The following MBOAT2 variants were observed in gnomAD, a reference collection of about 807,000 sequenced individuals.
MBOAT2 encodes membrane-bound glycerophospholipid O-acyltransferase 2.
In MBOAT2, 28 loss-of-function variants were observed where a neutral mutation model predicts 63.4. The ratio of observed to expected loss-of-function variants is 0.44; its 90% confidence interval spans 0.33 to 0.61. MBOAT2 has a LOEUF of 0.61. Among genes scored for constraint, MBOAT2 ranks in the 20% least tolerant of loss-of-function variants. The pLI is 0.03. For synonymous variants in MBOAT2, 211 were observed against 215.6 expected, an observed-to-expected ratio of 0.98 and a Z score of 0.19; for missense variants, 470 against 605.8, an observed-to-expected ratio of 0.78 and a Z score of 2.35.
chr2:8,963,325 G>T (rs999715330), intron 1 of MBOAT2, among the ~76,000 whole-genome samples: 2 of 151,738 alleles, frequency 1.3e-5, no homozygotes, highest in African/African-American at 4.8e-5. Flanking sequence ...TTTTCTTTGA[G>T]ACAATTTTGC....
chr2:8,935,506 A>G (rs886082611), intron 3 of MBOAT2, among the ~76,000 whole-genome samples: 2 of 152,222 alleles, frequency 1.3e-5, no homozygotes, highest in Admixed American at 1.3e-4. Context: ...AATACTTAAA[A>G]ACAAGCTTTA....
chr2:8,999,963 CTT>C (rs1573294747), intron 1 of MBOAT2, among the ~76,000 whole-genome samples: 1 of 152,214 alleles, frequency 6.6e-6, no homozygotes, highest in East Asian at 1.9e-4. Flanking sequence ...TATTTTGCTT[CTT>C]TTCCTTCCCT....
At chr2:8,998,857 A>G (rs926152641) in intron 1 of MBOAT2, among the ~76,000 whole-genome samples, 4 of 152,202 alleles carry the variant, frequency 2.6e-5, no homozygotes, top group African/African-American at 9.7e-5. Context: ...TTAAGACCAT[A>G]AACTAAACCT....
At position 8,862,664 on chromosome 2, in the gene MBOAT2, T is replaced by C. The variant is rs755930105; in HGVS notation, c.1111A>G (p.Ile371Val). The change falls in exon 11 of 13, where the codon ATT (isoleucine) becomes GTT (valine). Residue 371 changes from isoleucine to valine, a missense_variant. Ile to Val is a conservative substitution (Grantham distance 29). This residue lies in a region of MBOAT2 where 376 missense variants were observed against 503.8 expected (regional missense o/e 0.75). Coordinates refer to ENST00000305997, the MANE Select transcript of MBOAT2 (RefSeq NM_138799.4). This position sits in a 1 kb window ranked among gnomAD's most constrained non-coding sequence, Gnocchi z 4.3. ...PTIQTFILSA[I>V]WHGVYPGYYL... ...TATCCTGGGTATACCCCGTGCCAAA[T>C]GGCAGAGAGAATGAACGTCTGGATA... The C allele has an allele frequency of 2.2e-5, 36 of 1,614,000 alleles. No individual in the cohort carries two copies. In the Admixed American group the frequency reaches 5.0e-4, roughly 22 times the overall value.
At chr2:9,002,349 A>C (rs565214446) in intron 1 of MBOAT2, among the ~76,000 whole-genome samples, 24 of 152,350 alleles carry the variant, frequency 1.6e-4, no homozygotes, top group Non-Finnish European at 2.8e-4. Context: ...AAAACAGTAA[A>C]GCACAAAGCA....
intron 1 of MBOAT2, 132 bp from the exon 2 acceptor site, chr2:8,958,774 A>G: frequency 2.2e-6 from 2 of 914,532 alleles, no homozygotes; most frequent in South Asian, 2.2e-5. Context: ...CAAAACAAAA[A>G]CAAAAATTGA....
At chr2:8,889,427 G>A (rs917195421) in intron 4 of MBOAT2, among the ~76,000 whole-genome samples, 1 of 152,220 alleles carries the variant, frequency 6.6e-6, no homozygotes, top group African/African-American at 2.4e-5. Flanking sequence ...GTGCTTAAGG[G>A]AGGAGATTTC....
chr2:8,948,207 C>T (rs1668558639), intron 2 of MBOAT2, among the ~76,000 whole-genome samples: 1 of 152,170 alleles, frequency 6.6e-6, no homozygotes, highest in Non-Finnish European at 1.5e-5. Flanking sequence ...CTGATTACTG[C>T]AATCTCATGA....
At chr2:8,926,515 C>A (rs1666944409) in intron 3 of MBOAT2, among the ~76,000 whole-genome samples, 1 of 152,172 alleles carries the variant, frequency 6.6e-6, no homozygotes, top group Admixed American at 6.6e-5. Context: ...CAGGGGGCTC[C>A]CTGCAAATAC....
chr2:8,993,713 T>A (rs1284327410), intron 1 of MBOAT2, among the ~76,000 whole-genome samples: 1 of 152,202 alleles, frequency 6.6e-6, no homozygotes, highest in Non-Finnish European at 1.5e-5. Flanking sequence ...TCCAAGGAGC[T>A]GCGGTGTTTT....
intron 9 of MBOAT2, among the ~76,000 whole-genome samples, 190 bp from the exon 10 acceptor site, chr2:8,864,424 G>A (rs1661714882): frequency 6.6e-6 from 1 of 151,976 alleles, no homozygotes; most frequent in African/African-American, 2.4e-5. Flanking sequence ...TTTATTTATT[G>A]TTGGGAACAT....
chr2:8,976,804 A>G (rs1670849267), intron 1 of MBOAT2, among the ~76,000 whole-genome samples: 1 of 152,198 alleles, frequency 6.6e-6, no homozygotes, highest in Admixed American at 6.5e-5. Flanking sequence ...TAATGACTGC[A>G]CAAGTGAATC....
chr2:8,994,231 T>G (rs1672113577), intron 1 of MBOAT2, among the ~76,000 whole-genome samples: 1 of 151,662 alleles, frequency 6.6e-6, no homozygotes, highest in South Asian at 2.1e-4. Flanking sequence ...GGGAGACTTG[T>G]AAAGCAAACA....
At chr2:8,889,881 A>G (rs1450301615) in intron 4 of MBOAT2, among the ~76,000 whole-genome samples, 1 of 152,200 alleles carries the variant, frequency 6.6e-6, no homozygotes, top group African/African-American at 2.4e-5. Context: ...CTGAACCCAC[A>G]TGCAACTTCT....
chr2:8,998,138 G>A (rs1672433872), intron 1 of MBOAT2, among the ~76,000 whole-genome samples: 1 of 152,180 alleles, frequency 6.6e-6, no homozygotes, highest in African/African-American at 2.4e-5. Context: ...ACATAGAGGA[G>A]GAAACTCATT....
intron 4 of MBOAT2, among the ~76,000 whole-genome samples, chr2:8,901,037 G>T (rs1018478383): frequency 6.6e-6 from 1 of 152,124 alleles, no homozygotes; most frequent in African/African-American, 2.4e-5. Flanking sequence ...CATGGTTTTG[G>T]TTTGTTTTGT....
At chr2:8,940,846 A>G (rs1283675303) in intron 3 of MBOAT2, among the ~76,000 whole-genome samples, 1 of 152,232 alleles carries the variant, frequency 6.6e-6, no homozygotes, top group Non-Finnish European at 1.5e-5. Context: ...ATAAATTCAA[A>G]TCTTTCATTT....
intron 4 of MBOAT2, among the ~76,000 whole-genome samples, chr2:8,904,124 G>T (rs1665161969): frequency 6.6e-6 from 1 of 151,836 alleles, no homozygotes; most frequent in South Asian, 2.1e-4. Context: ...TTACAGTTGT[G>T]CGCCACCACG....
intron 1 of MBOAT2, among the ~76,000 whole-genome samples, chr2:8,963,263 G>A (rs1055082264): frequency 1.8e-4 from 28 of 151,634 alleles, no homozygotes; most frequent in African/African-American, 5.3e-4. Flanking sequence ...AGGCGGGGGG[G>A]CAGGGGGAGG....
Sources: allele counts gnomAD v4.1 joint callset (sites outside exome capture counted in the v4.1 genomes callset), GRCh38; gene constraint gnomAD v4.1.1; regional missense constraint gnomAD v4.1.1; non-coding constraint Gnocchi (gnomAD v3.1); transcripts MANE v1.5; gene names NCBI Gene and HGNC (gene_info 2026-07-23, HGNC 2026-07-21).